CDH12: variants seen among roughly 807,000 people sequenced by gnomAD.
The protein encoded by CDH12 is cadherin-12.
Under a neutral mutation model 74.1 loss-of-function variants are expected in CDH12, and 41 were observed. The ratio of observed to expected loss-of-function variants is 0.55; its 90% CI spans 0.43 to 0.72. The LOEUF is 0.72. Ranked by LOEUF, CDH12 falls within the 30% of genes least tolerant of loss-of-function variation. The pLI is 0.00. For missense variants in CDH12, 945 were observed against 977.2 expected, an observed-to-expected ratio of 0.97 and a Z score of 0.44; for synonymous variants, 399 against 355.0, an observed-to-expected ratio of 1.12 and a Z score of -1.39.
chr5:22,087,319 G>A (rs1743132696), intron 4 of CDH12, among the ~76,000 whole-genome samples: 1 of 152,016 alleles, frequency 6.6e-6, no homozygotes, highest in South Asian at 2.1e-4. Flanking sequence ...GACACTGAAC[G>A]AGTTTACAAG....
At chr5:21,863,255 T>C (rs998355385) in intron 6 of CDH12, among the ~76,000 whole-genome samples, 5 of 152,094 alleles carry the variant, frequency 3.3e-5, no homozygotes, top group African/African-American at 1.2e-4. Flanking sequence ...CTCTGCGGTC[T>C]TGAATAGGTG....
At chr5:22,446,324 T>C (rs1744816017) in intron 2 of CDH12, among the ~76,000 whole-genome samples, 1 of 152,116 alleles carries the variant, frequency 6.6e-6, no homozygotes, top group African/African-American at 2.4e-5. Context: ...CCTTTCTAAC[T>C]TTTAGTAGAT....
At chr5:21,823,119 G>C (rs1748464138) in intron 8 of CDH12, among the ~76,000 whole-genome samples, 1 of 151,992 alleles carries the variant, frequency 6.6e-6, no homozygotes, top group Non-Finnish European at 1.5e-5. Context: ...TGTTTTTCTT[G>C]ATGGCATTTA....
rs1041158834 is a variant in CDH12 at position 22,091,641 on chromosome 5, A to G, written c.-186-12779T>C. ...TTAAGAAGACAATAACCCCAAATTG[A>G]TCCTTATGCAATTCCTGTCAAAATT... On this transcript the variant is annotated intron_variant, in intron 4 of 14. Transcript: ENST00000382254. Among the ~76,000 whole-genome samples the G allele has an allele frequency of 3.0e-4, 46 of 152,148 alleles. 1 individual carries two copies. Among genetic ancestry groups the G allele is most frequent in the African/African-American group, 1.0e-3 (42 of 41,552 alleles).
chr5:22,270,970 G>A (rs1736374474), intron 3 of CDH12, among the ~76,000 whole-genome samples: 1 of 152,016 alleles, frequency 6.6e-6, no homozygotes, highest in Non-Finnish European at 1.5e-5. Context: ...ACCACGCCCG[G>A]CCCTTTACTT....
At chr5:21,835,888 T>C (rs1749503962) in intron 8 of CDH12, among the ~76,000 whole-genome samples, 1 of 151,836 alleles carries the variant, frequency 6.6e-6, no homozygotes, top group African/African-American at 2.4e-5. Context: ...TATTGGCATA[T>C]TATCTTTAAT....
At chr5:22,055,636 T>C (rs1740685445) in intron 5 of CDH12, among the ~76,000 whole-genome samples, 1 of 152,266 alleles carries the variant, frequency 6.6e-6, no homozygotes, top group South Asian at 2.1e-4. Flanking sequence ...ATTAACTTAA[T>C]AGCTGCTCAT....
At chr5:21,799,238 T>C (rs1746976273) in intron 10 of CDH12, among the ~76,000 whole-genome samples, 1 of 152,130 alleles carries the variant, frequency 6.6e-6, no homozygotes, top group East Asian at 1.9e-4. Flanking sequence ...AGAAGGACTT[T>C]TGAGTGATGA....
At chr5:22,198,009 G>A (rs1322844936) in intron 4 of CDH12, among the ~76,000 whole-genome samples, 3 of 151,416 alleles carry the variant, frequency 2.0e-5, no homozygotes, top group African/African-American at 7.2e-5. Flanking sequence ...AGTAAAATAA[G>A]TATGATTTTA....
intron 6 of CDH12, among the ~76,000 whole-genome samples, chr5:21,876,412 A>G (rs1160127645): frequency 1.3e-5 from 2 of 152,182 alleles, no homozygotes; most frequent in Admixed American, 1.3e-4. Flanking sequence ...AGCCCCAGTG[A>G]CTAAATCCTG....
rs778223352 is a variant in CDH12 at position 21,823,009 on chromosome 5, AT to A, written c.815-5878del. ...CTTTGCATAGTAGATTAATTGCTTA[AT>A]TTTCCGGTATCTCAGATTATTGATA... On this transcript the variant is annotated intron_variant, in intron 8 of 14. Coordinates refer to ENST00000382254, the MANE Select transcript of CDH12 (RefSeq NM_004061.5). Among the ~76,000 whole-genome samples the A allele has an allele frequency of 1.8e-4, 27 of 152,150 alleles. No homozygotes were observed. The Middle Eastern group carries it at 0.02, about 115-fold the overall frequency.
At chr5:22,159,687 C>A (rs970396028) in intron 4 of CDH12, among the ~76,000 whole-genome samples, 1 of 152,154 alleles carries the variant, frequency 6.6e-6, no homozygotes, top group South Asian at 2.1e-4. Flanking sequence ...CGGTTTTTAC[C>A]TTGTAGACAA....
chr5:22,416,136 G>C (rs368001201), intron 2 of CDH12, among the ~76,000 whole-genome samples: 1 of 115,078 alleles, frequency 8.7e-6, no homozygotes, highest in African/African-American at 3.4e-5. Flanking sequence ...GTGCAGTGGC[G>C]CAATCTCGGC....
intron 2 of CDH12, among the ~76,000 whole-genome samples, chr5:22,424,048 G>GAAAAAAA (rs1208254020): frequency 1.9e-5 from 2 of 104,828 alleles, no homozygotes; most frequent in African/African-American, 6.9e-5. Flanking sequence ...GAAAAAGAAA[G>GAAAAAAA]AAAAAAAAAA....
At chr5:22,489,336 C>T (rs1214397447) in intron 2 of CDH12, among the ~76,000 whole-genome samples, 2 of 151,564 alleles carry the variant, frequency 1.3e-5, no homozygotes, top group Admixed American at 6.6e-5. Flanking sequence ...GGATTACAGG[C>T]GTGAGCCACC....
intron 1 of CDH12, among the ~76,000 whole-genome samples, chr5:22,578,039 A>C (rs550912002): frequency 6.6e-6 from 1 of 152,288 alleles, no homozygotes; most frequent in Non-Finnish European, 1.5e-5. Context: ...GGATGAAAAT[A>C]TGTTGTTTGG....
chr5:22,387,293 A>C (rs1490511387), intron 3 of CDH12, among the ~76,000 whole-genome samples: 1 of 152,156 alleles, frequency 6.6e-6, no homozygotes, highest in Non-Finnish European at 1.5e-5. Context: ...TAAATTTAAA[A>C]AAATGTAATG....
intron 3 of CDH12, among the ~76,000 whole-genome samples, chr5:22,236,917 C>T (rs1752579249): frequency 1.3e-5 from 2 of 151,872 alleles, no homozygotes; most frequent in African/African-American, 4.8e-5. Flanking sequence ...AAACCTTCTT[C>T]TGGAATACCT....
At chr5:22,063,178 T>C (rs1332748245) in intron 5 of CDH12, among the ~76,000 whole-genome samples, 1 of 152,176 alleles carries the variant, frequency 6.6e-6, no homozygotes, top group African/African-American at 2.4e-5. Flanking sequence ...GTGCTACTTC[T>C]ATTTTTGTCT....
Sources: allele counts gnomAD v4.1 joint callset (sites outside exome capture counted in the v4.1 genomes callset), GRCh38; gene constraint gnomAD v4.1.1; transcripts MANE v1.5; gene names NCBI Gene and HGNC (gene_info 2026-07-23, HGNC 2026-07-21).